The following HCRTR2 variants were observed in gnomAD, a reference collection of about 807,000 sequenced individuals.
The protein encoded by HCRTR2 is hypocretin receptor 2, also known as orexin receptor type 2.
Under a neutral mutation model 49.0 loss-of-function variants are expected in HCRTR2, and 22 were observed. The observed-to-expected ratio is 0.45, with a 90% confidence interval of 0.32 to 0.64. The LOEUF (loss-of-function observed/expected upper bound fraction) is 0.64, where lower values mean the gene tolerates loss of function less well. HCRTR2 is among the 30% of genes least tolerant of loss of function. The probability of loss-of-function intolerance (pLI) is 0.04; values close to 1 mark genes in which losing one functional copy is unlikely to be tolerated. For synonymous variants in HCRTR2, 236 were observed against 205.3 expected, an observed-to-expected ratio of 1.15 and a Z score of -1.28; for missense variants, 491 against 559.4, an observed-to-expected ratio of 0.88 and a Z score of 1.23.
intron 3 of HCRTR2, among the ~76,000 whole-genome samples, chr6:55,261,149 T>C (rs1056252037): frequency 6.6e-6 from 1 of 152,192 alleles, no homozygotes; most frequent in East Asian, 1.9e-4. Context: ...CTCTTTTACA[T>C]TGCAGTAAAA....
intron 1 of HCRTR2, among the ~76,000 whole-genome samples, chr6:55,122,888 G>A (rs1212755691): frequency 6.9e-6 from 1 of 145,774 alleles, no homozygotes; most frequent in Non-Finnish European, 1.5e-5. Flanking sequence ...AACACCGCAT[G>A]TTCTCACTCA....
At chr6:55,214,236 T>A (rs139994466) in intron 1 of HCRTR2, among the ~76,000 whole-genome samples, 1 of 151,042 alleles carries the variant, frequency 6.6e-6, no homozygotes, top group South Asian at 2.1e-4. Flanking sequence ...AAAAAAAGAA[T>A]AGAGGCCCCA....
intron 1 of HCRTR2, among the ~76,000 whole-genome samples, chr6:55,132,073 A>G (rs1335698045): frequency 6.6e-6 from 1 of 151,980 alleles, no homozygotes; most frequent in Non-Finnish European, 1.5e-5. Context: ...CTAAACATAT[A>G]TAGATATCCC....
chr6:55,135,779 AAGTAGTAG>A (rs1271911504), intron 1 of HCRTR2, among the ~76,000 whole-genome samples: 1 of 152,164 alleles, frequency 6.6e-6, no homozygotes, highest in African/African-American at 2.4e-5. Flanking sequence ...GTAACTCAGT[AAGTAGTAG>A]AGCTGGAATT....
At chr6:55,175,268 T>A (rs1196985117) in intron 1 of HCRTR2, among the ~76,000 whole-genome samples, 1 of 152,064 alleles carries the variant, frequency 6.6e-6, no homozygotes, top group Non-Finnish European at 1.5e-5. Flanking sequence ...GCTGTGGAAG[T>A]CACAAAGCAT....
intron 1 of HCRTR2, among the ~76,000 whole-genome samples, chr6:55,219,977 C>G (rs968314489): frequency 6.6e-6 from 1 of 151,990 alleles, no homozygotes; most frequent in African/African-American, 2.4e-5. Context: ...AATACACAAC[C>G]TACCAAGACT....
chr6:55,207,347 T>A (rs546360945), intron 1 of HCRTR2, among the ~76,000 whole-genome samples: 2 of 152,226 alleles, frequency 1.3e-5, no homozygotes, highest in East Asian at 3.9e-4. Context: ...GAACAGAATT[T>A]TTTTTGCCTT....
intron 4 of HCRTR2, among the ~76,000 whole-genome samples, chr6:55,276,347 AAAG>A (rs1298180542): frequency 6.6e-6 from 1 of 152,220 alleles, no homozygotes; most frequent in Non-Finnish European, 1.5e-5. Flanking sequence ...TTCTCAAATT[AAAG>A]ATTATCGAAC....
chr6:55,209,813 G>A (rs945625371), intron 1 of HCRTR2, among the ~76,000 whole-genome samples: 4 of 151,940 alleles, frequency 2.6e-5, no homozygotes, highest in Non-Finnish European at 5.9e-5. Context: ...GAAATGATCT[G>A]CTTTTTGTTT....
chr6:55,154,846 C>G (rs1248696785), intron 1 of HCRTR2, among the ~76,000 whole-genome samples: 21 of 151,642 alleles, frequency 1.4e-4, no homozygotes, highest in South Asian at 2.1e-4. Flanking sequence ...CACAAACAAA[C>G]AAAATAGCTA....
At chr6:55,228,862 A>C (rs1339523891) in intron 1 of HCRTR2, among the ~76,000 whole-genome samples, 1 of 152,236 alleles carries the variant, frequency 6.6e-6, no homozygotes, top group Non-Finnish European at 1.5e-5. Context: ...TAATGAAAGT[A>C]AACATGTAGA....
intron 3 of HCRTR2, among the ~76,000 whole-genome samples, chr6:55,259,657 CAT>C (rs35936432): frequency 0.26 from 38,693 of 150,326 alleles, 5,046 homozygotes; most frequent in Non-Finnish European, 0.28. Context: ...TAGTTAGTTT[CAT>C]ATATATATAT....
chr6:55,115,665 A>C (rs1488852933), intron 1 of HCRTR2, among the ~76,000 whole-genome samples: 1 of 151,628 alleles, frequency 6.6e-6, no homozygotes, highest in African/African-American at 2.4e-5. Flanking sequence ...TTATTCCATA[A>C]TCTTTATTAA....
intron 1 of HCRTR2, among the ~76,000 whole-genome samples, chr6:55,128,314 G>A (rs568992242): frequency 6.6e-6 from 1 of 152,204 alleles, no homozygotes; most frequent in African/African-American, 2.4e-5. Context: ...ATGCTGTTTT[G>A]GTTATTGTAG....
chr6:55,272,570 A>G (rs950805712), intron 4 of HCRTR2, among the ~76,000 whole-genome samples: 1 of 151,084 alleles, frequency 6.6e-6, no homozygotes, highest in African/African-American at 2.4e-5. Flanking sequence ...AAATGATGGG[A>G]TATTTTAAAA....
chr6:55,274,176 C>CCACA (rs1767028441), intron 4 of HCRTR2, among the ~76,000 whole-genome samples: 1 of 148,604 alleles, frequency 6.7e-6, no homozygotes, highest in South Asian at 2.1e-4. Context: ...TAATGCATGT[C>CCACA]CACAATGAAT....
chr6:55,179,217 G>A (rs1765090612), intron 1 of HCRTR2, among the ~76,000 whole-genome samples: 3 of 151,970 alleles, frequency 2.0e-5, no homozygotes, highest in Admixed American at 2.0e-4. Flanking sequence ...TAGTTTCATG[G>A]GTGTTTGTAA....
At chr6:55,120,232 T>A (rs1055229032) in intron 1 of HCRTR2, among the ~76,000 whole-genome samples, 7 of 152,114 alleles carry the variant, frequency 4.6e-5, no homozygotes, top group Non-Finnish European at 1.0e-4. Flanking sequence ...TCTTTTTGCT[T>A]AGGATTGTCT....
At chr6:55,167,314 C>T (rs1489934843) in intron 1 of HCRTR2, among the ~76,000 whole-genome samples, 1 of 151,984 alleles carries the variant, frequency 6.6e-6, no homozygotes, top group Non-Finnish European at 1.5e-5. Context: ...CATTGGAGTC[C>T]AATACATAAA....
Sources: gnomAD v4.1 joint callset for allele counts (sites outside exome capture counted in the v4.1 genomes callset) on GRCh38, gnomAD v4.1.1 for gene constraint, MANE v1.5 for transcripts, NCBI Gene and HGNC (gene_info 2026-07-23, HGNC 2026-07-21) for gene names.